The following DNAH11 variants were observed in gnomAD, a reference collection of about 807,000 sequenced individuals.
The protein encoded by DNAH11 is axonemal beta dynein heavy chain 11.
A neutral mutation model predicts 526.0 loss-of-function variants in DNAH11; 442 were observed. The observed-to-expected ratio is 0.84, with a 90% CI of 0.78 to 0.91. The LOEUF is 0.91. Among genes scored for constraint, DNAH11 ranks in the 40% least tolerant of loss-of-function variants. The probability of loss-of-function intolerance (pLI) is 0.00; values close to 1 mark genes in which losing one functional copy is unlikely to be tolerated. For synonymous variants in DNAH11, 2,461 were observed against 1,935.9 expected, an observed-to-expected ratio of 1.27 and a Z score of -7.12; for missense variants, 6,989 against 5,448.7, an observed-to-expected ratio of 1.28 and a Z score of -8.90.
rs775337931 is a variant in DNAH11 at position 21,616,374 on chromosome 7, G to A, written c.4095+82G>A. 4.5e-6 allele frequency: 5 copies of A among 1,105,184 alleles called. No individual in the cohort carries two copies. In the African/African-American group the frequency reaches 4.7e-5, roughly 10 times the overall value. 68.5% of individuals were successfully genotyped at this position (1,105,184 alleles called of 1,614,324 possible). On this transcript the variant is annotated intron_variant, in intron 22 of 81. Transcript: ENST00000409508. ...CATCTTCCCTAATCTAGTATCTGGT[G>A]TATTGGGCTGCATGTACTTATTTAC...
intron 10 of DNAH11, 79 bp from the exon 11 acceptor site, chr7:21,588,433 G>A (rs1784549813): frequency 6.5e-7 from 1 of 1,548,118 alleles, no homozygotes. Flanking sequence ...ATACCAAAAT[G>A]AAAAATTGCT....
In DNAH11 at chr7:21,623,500, A is replaced by G. The variant is rs548351983; in HGVS notation, c.4500+3422A>G. Among the ~76,000 whole-genome samples, 5 of 152,326 alleles carry G rather than the reference A, an allele frequency of 3.3e-5. No homozygotes were observed. The East Asian group carries it at 5.8e-4, about 18-fold the overall frequency. ...AAAGGATTATAAATCATGCTGCTAT[A>G]AAGACACATGCACACGTATGTTTAT... On this transcript the variant is annotated intron_variant, in intron 25 of 81. Coordinates refer to ENST00000409508, the MANE Select transcript of DNAH11 (RefSeq NM_001277115.2).
At chr7:21,754,292 C>T (rs1312346864) in intron 54 of DNAH11, among the ~76,000 whole-genome samples, 11 of 152,234 alleles carry the variant, frequency 7.2e-5, no homozygotes, top group African/African-American at 2.6e-4. Context: ...AATTCATTTT[C>T]AGGATCTATT....
At chr7:21,681,411 A>T in intron 30 of DNAH11, 135 bp from the exon 31 acceptor site, 1 of 867,886 alleles carries the variant, frequency 1.2e-6, no homozygotes, top group Admixed American at 2.8e-5. Flanking sequence ...TGGGTGACAG[A>T]GTGAGACTCC....
At chr7:21,726,954 G>A (rs1466065614) in intron 45 of DNAH11, among the ~76,000 whole-genome samples, 1 of 2,752 alleles carries the variant, frequency 3.6e-4, no homozygotes, top group Non-Finnish European at 6.3e-4. Flanking sequence ...TTTTTTTTGA[G>A]ATGGAGTCTC....
intron 2 of DNAH11, 134 bp downstream of exon 2, chr7:21,545,283 A>AAAAAAG (rs1224139536): frequency 1.3e-6 from 1 of 783,176 alleles, no homozygotes; most frequent in Non-Finnish European, 1.9e-6. Context: ...TTAAAAAAAA[A>AAAAAAG]AAAAAAAAAA....
intron 56 of DNAH11, among the ~76,000 whole-genome samples, chr7:21,775,203 A>G (rs1231984524): frequency 1.3e-5 from 2 of 152,196 alleles, no homozygotes; most frequent in Non-Finnish European, 2.9e-5. Context: ...CAATTAGGAA[A>G]GAGAAACCAG....
intron 28 of DNAH11, among the ~76,000 whole-genome samples, chr7:21,651,305 G>A (rs879640718): frequency 4.6e-5 from 7 of 152,014 alleles, no homozygotes; most frequent in Admixed American, 4.6e-4. Context: ...CAAGCGGTAT[G>A]GTTTGAGAAT....
intron 65 of DNAH11, among the ~76,000 whole-genome samples, chr7:21,828,293 CATT>C (rs1398628615): frequency 6.6e-6 from 1 of 152,112 alleles, no homozygotes; most frequent in Non-Finnish European, 1.5e-5. Context: ...GTAGTTCTCT[CATT>C]ATTTCCTTTG....
At chr7:21,627,434 C>T (rs1179762621) in intron 25 of DNAH11, among the ~76,000 whole-genome samples, 2 of 152,078 alleles carry the variant, frequency 1.3e-5, no homozygotes, top group Non-Finnish European at 2.9e-5. Context: ...ACTCTTAATC[C>T]ATTTTTATTT....
rs142473252 is a variant in DNAH11 at position 21,747,595 on chromosome 7, T to A, written c.8511-985T>A. Reference sequence around the variant, plus strand: ...CGAGTTTATTTATAGCTGTAAAATATAGCATAATATAAATAGATTAAGCAT... The same window carrying A: ...CGAGTTTATTTATAGCTGTAAAATAAAGCATAATATAAATAGATTAAGCAT... On this transcript the variant is annotated intron_variant, in intron 51 of 81. Coordinates refer to ENST00000409508, the MANE Select transcript of DNAH11 (RefSeq NM_001277115.2). Among the ~76,000 whole-genome samples, 334 of 152,362 alleles carry A rather than the reference T, an allele frequency of 2.2e-3. 3 individuals carry two copies. In the Middle Eastern group the frequency reaches 0.024, roughly 11 times the overall value.
At chr7:21,856,985 A>G (rs1782877716) in intron 68 of DNAH11, among the ~76,000 whole-genome samples, 1 of 152,234 alleles carries the variant, frequency 6.6e-6, no homozygotes, top group Admixed American at 6.5e-5. Flanking sequence ...TAGTCGGTAC[A>G]GTAAGACAAT....
chr7:21,893,331 T>C (rs1784395407), intron 77 of DNAH11, among the ~76,000 whole-genome samples: 1 of 152,236 alleles, frequency 6.6e-6, no homozygotes, highest in Non-Finnish European at 1.5e-5. Flanking sequence ...GCTCTATCTT[T>C]TTTGTGATTT....
chr7:21,769,538 G>A (rs555514833), intron 55 of DNAH11, among the ~76,000 whole-genome samples: 5 of 151,660 alleles, frequency 3.3e-5, no homozygotes, highest in Non-Finnish European at 7.4e-5. Context: ...AGGCTGGAGT[G>A]CAGTGGCATG....
rs538735006 is a variant in DNAH11 at position 21,750,233 on chromosome 7, G to C, written c.8809G>C (p.Asp2937His). The change falls in exon 54 of 82, where the codon GAT becomes CAT. Residue 2937 changes from aspartate (D) to histidine (H), a missense_variant. Transcript: ENST00000409508. Reference protein sequence around the residue: ...NDLLASGEIPDLFSDEDVDKI... With the variant: ...NDLLASGEIPHLFSDEDVDKI... ...ATTCTTTGGGGCAGGAGAAATCCCA[G>C]ATCTGTTCAGCGATGAAGATGTGGA... 2 of 1,603,874 alleles carry C rather than the reference G, an allele frequency of 1.2e-6. No individual in the cohort carries two copies. The highest frequency in any genetic ancestry group is 8.5e-7 in the Non-Finnish European group (1 of 1,175,444).
At chr7:21,770,360 G>A (rs957477501) in intron 55 of DNAH11, among the ~76,000 whole-genome samples, 17 of 152,200 alleles carry the variant, frequency 1.1e-4, no homozygotes, top group South Asian at 4.1e-4. Context: ...AATTTTGTGC[G>A]TGAAACAAAG....
At chr7:21,613,744 A>G (rs1339503119) in intron 20 of DNAH11, among the ~76,000 whole-genome samples, 3 of 152,196 alleles carry the variant, frequency 2.0e-5, no homozygotes, top group Non-Finnish European at 2.9e-5. Context: ...AATTAGCTCT[A>G]TAGAGCCATT....
At chr7:21,884,465 G>A (rs1784047477) in intron 76 of DNAH11, 55 bp downstream of exon 76, 3 of 1,522,646 alleles carry the variant, frequency 2.0e-6, no homozygotes, top group Admixed American at 3.8e-5. Context: ...AAAAATTCTG[G>A]TAAGAATTTT....
chr7:21,747,270 TA>T (rs1167613767), intron 51 of DNAH11, among the ~76,000 whole-genome samples: 1 of 152,204 alleles, frequency 6.6e-6, no homozygotes, highest in Non-Finnish European at 1.5e-5. Flanking sequence ...ACTGAGCTTG[TA>T]AAAATAACCT....
Sources: allele counts gnomAD v4.1 joint callset (sites outside exome capture counted in the v4.1 genomes callset), GRCh38; gene constraint gnomAD v4.1.1; transcripts MANE v1.5; gene names NCBI Gene and HGNC (gene_info 2026-07-23, HGNC 2026-07-21).